The following PKHD1 variants were observed in gnomAD, a reference collection of about 807,000 sequenced individuals.
The protein encoded by PKHD1 is PKHD1 ciliary IPT domain containing fibrocystin/polyductin.
PKHD1 carries 291 observed loss-of-function variants against 412.0 expected under a neutral mutation model. The observed-to-expected ratio is 0.71, with a 90% CI of 0.64 to 0.78. PKHD1 has a LOEUF of 0.78. Ranked by LOEUF, PKHD1 falls within the 30% of genes least tolerant of loss-of-function variation. The pLI is 0.00. For synonymous variants in PKHD1, 1,777 were observed against 1,821.5 expected, an observed-to-expected ratio of 0.98 and a Z score of 0.62; for missense variants, 4,825 against 4,950.7, an observed-to-expected ratio of 0.97 and a Z score of 0.76.
In PKHD1 at chr6:52,062,650, C is replaced by G. The variant is rs2128219124; in HGVS notation, c.987G>C (p.Gly329=). ...RLTTPQPGNR[G]LLFEVGDAVE... ...CAGCATCTCCAACTTCAAAAAGAAGCCCTCGATTGCCTGTAAGACATGTAG... is the reference window on the plus strand; with the variant it reads ...CAGCATCTCCAACTTCAAAAAGAAGGCCTCGATTGCCTGTAAGACATGTAG... Residue 329 remains glycine, a synonymous_variant, in exon 14 of 67, where the codon GGG becomes GGC. Transcript: ENST00000371117. The G allele has an allele frequency of 6.2e-7, 1 of 1,614,104 alleles. No homozygotes were observed. Among genetic ancestry groups the G allele is most frequent in the Non-Finnish European group, 8.5e-7 (1 of 1,179,964 alleles).
intron 52 of PKHD1, among the ~76,000 whole-genome samples, chr6:51,807,595 T>A (rs982680581): frequency 2.0e-5 from 3 of 150,682 alleles, no homozygotes; most frequent in Non-Finnish European, 3.0e-5. Context: ...CTGAACAGGA[T>A]TCTTTTAAAA....
intron 48 of PKHD1, among the ~76,000 whole-genome samples, chr6:51,863,253 A>ATG (rs1717715378): frequency 1.3e-5 from 2 of 151,904 alleles, no homozygotes; most frequent in Non-Finnish European, 2.9e-5. Flanking sequence ...CATGTACTGT[A>ATG]TATATGTCTT....
chr6:51,844,367 G>A (rs1053705416), intron 50 of PKHD1, among the ~76,000 whole-genome samples: 5 of 152,228 alleles, frequency 3.3e-5, no homozygotes, highest in African/African-American at 9.7e-5. Context: ...CTGAGCAAAG[G>A]CAAAACTTGC....
chr6:52,044,066 A>C (rs1805377494), intron 25 of PKHD1, among the ~76,000 whole-genome samples: 1 of 152,198 alleles, frequency 6.6e-6, no homozygotes, highest in Non-Finnish European at 1.5e-5. Context: ...CCAGGTACCT[A>C]CTTTATGTGA....
At chr6:51,908,576 C>T (rs1471917600) in intron 40 of PKHD1, among the ~76,000 whole-genome samples, 1 of 152,106 alleles carries the variant, frequency 6.6e-6, no homozygotes, top group Non-Finnish European at 1.5e-5. Flanking sequence ...GAGTTTTTGC[C>T]CTGGATGTTC....
At chr6:51,890,917 A>C (rs1472161993) in intron 43 of PKHD1, among the ~76,000 whole-genome samples, 1 of 152,196 alleles carries the variant, frequency 6.6e-6, no homozygotes, top group Non-Finnish European at 1.5e-5. Flanking sequence ...TTGAGCAATG[A>C]CAGATGAAAA....
At chr6:51,784,990 T>C (rs544522642) in intron 53 of PKHD1, among the ~76,000 whole-genome samples, 31 of 152,370 alleles carry the variant, frequency 2.0e-4, no homozygotes, top group African/African-American at 7.5e-4. Context: ...TGTATTACCA[T>C]CTAAACTTAT....
chr6:51,690,268 T>C (rs1193825169), intron 60 of PKHD1, among the ~76,000 whole-genome samples: 2 of 79,382 alleles, frequency 2.5e-5, no homozygotes, highest in South Asian at 4.5e-4. Context: ...TGAGACTCCA[T>C]CTCAAAAAAA....
intron 53 of PKHD1, among the ~76,000 whole-genome samples, chr6:51,787,985 T>G (rs917021982): frequency 3.9e-5 from 6 of 152,130 alleles, no homozygotes; most frequent in African/African-American, 1.4e-4. Context: ...AGTAAACAAA[T>G]GGGCAAATGG....
chr6:51,934,007 G>T, intron 37 of PKHD1, 103 bp downstream of exon 37: 1 of 832,452 alleles, frequency 1.2e-6, no homozygotes. Flanking sequence ...TAACTGACCT[G>T]GTTGGCTCAG....
chr6:51,807,446 A>G (rs1763951020), intron 52 of PKHD1, among the ~76,000 whole-genome samples: 1 of 65,428 alleles, frequency 1.5e-5, no homozygotes, highest in Admixed American at 2.3e-4. Context: ...TCAAAAAAAA[A>G]AAAAAAAAAA....
chr6:51,781,893 G>T (rs9463715), intron 53 of PKHD1, among the ~76,000 whole-genome samples: 88,930 of 151,534 alleles, frequency 0.59, 26,835 homozygotes, highest in East Asian at 0.83. Context: ...TATTTCAATG[G>T]CCAGCCCAAG....
chr6:52,060,159 T>C (rs1808460637), intron 14 of PKHD1, 117 bp from the exon 15 acceptor site: 7 of 700,230 alleles, frequency 1.0e-5, no homozygotes, highest in Non-Finnish European at 1.6e-5. Flanking sequence ...ACAACCTGAT[T>C]CTTATGCCAC....
chr6:52,017,629 A>G lies in PKHD1; in HGVS notation c.5381T>C (p.Val1794Ala), dbSNP rs780643984. The G allele has an allele frequency of 1.2e-6, 2 of 1,611,560 alleles. No homozygotes were observed. The highest frequency in any genetic ancestry group is 3.3e-5 in the Admixed American group (2 of 60,030). ...CAGGCCACACAGGAAGGCCAAGGACACTGCAGGAAACAGTCACCATTAGGA... is the reference window on the plus strand; with the variant it reads ...CAGGCCACACAGGAAGGCCAAGGACGCTGCAGGAAACAGTCACCATTAGGA... ...AFSCLVLPLD[V>A]SLAFLCGLKR... The change falls in exon 34 of 67, where the codon GTG (valine) becomes GCG (alanine). Residue 1794 changes from valine to alanine, a missense_variant and splice_region_variant. Val to Ala is a moderately conservative substitution (Grantham distance 64, BLOSUM62 0). Coordinates refer to ENST00000371117, the MANE Select transcript of PKHD1 (RefSeq NM_138694.4).
chr6:51,951,751 T>C (rs1790400827), intron 36 of PKHD1, among the ~76,000 whole-genome samples: 1 of 152,242 alleles, frequency 6.6e-6, no homozygotes, highest in Admixed American at 6.5e-5. Context: ...CAAAAGTACT[T>C]CAGATTTCTA....
At chr6:51,654,609 G>A (rs1345985742) in intron 61 of PKHD1, among the ~76,000 whole-genome samples, 1 of 150,306 alleles carries the variant, frequency 6.7e-6, no homozygotes, top group Non-Finnish European at 1.5e-5. Context: ...AGCAACAATA[G>A]ATTACAATTA....
chr6:51,931,971 G>C (rs1018864776), intron 37 of PKHD1, among the ~76,000 whole-genome samples: 1 of 151,654 alleles, frequency 6.6e-6, no homozygotes, highest in Non-Finnish European at 1.5e-5. Context: ...AGAGAGGAGG[G>C]AGAAGGAGAA....
In PKHD1 at chr6:51,758,468, C is replaced by T. The variant is rs376437105; in HGVS notation, c.8643-3530G>A. ...ACATTATGGTTACCCTTCAATCATA[C>T]GAACTAGCTTAACGACTGGCTCAAA... On this transcript the variant is annotated intron_variant, in intron 55 of 66. Coordinates refer to ENST00000371117, the MANE Select transcript of PKHD1 (RefSeq NM_138694.4). 2.4e-4 allele frequency among the ~76,000 whole-genome samples: 37 copies of T among 152,236 alleles called. 1 individual carries two copies. Among genetic ancestry groups the T allele is most frequent in the Middle Eastern group, 3.4e-3 (1 of 294 alleles).
At chr6:51,891,712 A>AACACACACACACACAC (rs58262423) in intron 43 of PKHD1, among the ~76,000 whole-genome samples, 1 of 143,746 alleles carries the variant, frequency 7.0e-6, no homozygotes, top group Non-Finnish European at 1.5e-5. Context: ...TTCCACAAGG[A>AACACACACACACACAC]ACACACACAC....
Sources: allele counts gnomAD v4.1 joint callset (sites outside exome capture counted in the v4.1 genomes callset), GRCh38; gene constraint gnomAD v4.1.1; transcripts MANE v1.5; gene names NCBI Gene and HGNC (gene_info 2026-07-23, HGNC 2026-07-21).